Variants in ABCC4 observed in about 807,000 individuals in gnomAD.
ABCC4 encodes the protein ATP-binding cassette sub-family C member 4.
Under a neutral mutation model 168.5 loss-of-function variants are expected in ABCC4, and 102 were observed. The observed-to-expected ratio is 0.61, with a 90% CI of 0.52 to 0.71. The LOEUF (loss-of-function observed/expected upper bound fraction) is 0.71, where lower values mean the gene tolerates loss of function less well. Ranked by LOEUF, ABCC4 falls within the 30% of genes least tolerant of loss-of-function variation. ABCC4 has a pLI of 0.00. For synonymous variants in ABCC4, 617 were observed against 590.7 expected (o/e 1.04, Z -0.65); for missense variants, 1,402 against 1,605.8 (o/e 0.87, Z 2.17).
chr13:95,212,115 C>T (rs1161178633), intron 4 of ABCC4, among the ~76,000 whole-genome samples: 1 of 141,442 alleles, frequency 7.1e-6, no homozygotes, highest in Non-Finnish European at 1.5e-5. Context: ...GCAGGGGTTG[C>T]AATCAGCCAA....
At chr13:95,113,841 T>C (rs2035284883) in intron 20 of ABCC4, among the ~76,000 whole-genome samples, 3 of 152,206 alleles carry the variant, frequency 2.0e-5, no homozygotes, top group African/African-American at 4.8e-5. Context: ...GACAACCATT[T>C]AAACAATGAA....
At chr13:95,156,817 G>T (rs1395553139) in intron 19 of ABCC4, among the ~76,000 whole-genome samples, 1 of 152,236 alleles carries the variant, frequency 6.6e-6, no homozygotes, top group Middle Eastern at 3.4e-3. Context: ...TCTTGGCAGG[G>T]CGCGGTAGCT....
chr13:95,222,868 T>C (rs535190647), intron 4 of ABCC4, among the ~76,000 whole-genome samples: 62 of 152,252 alleles, frequency 4.1e-4, no homozygotes, highest in African/African-American at 1.4e-3. Context: ...AGAGGGACGC[T>C]TTCGGTATCT....
At chr13:95,268,525 C>G (rs2040744562) in intron 1 of ABCC4, among the ~76,000 whole-genome samples, 2 of 62,536 alleles carry the variant, frequency 3.2e-5, no homozygotes, top group South Asian at 7.6e-4. Context: ...CTGCTCGTCC[C>G]TTGGCCCTTG....
At chr13:95,053,039 T>C (rs1373321977) in intron 27 of ABCC4, 56 bp downstream of exon 27, 12 of 1,436,504 alleles carry the variant, frequency 8.4e-6, no homozygotes, top group Non-Finnish European at 1.2e-5. Flanking sequence ...GCTGTAAAGG[T>C]ACATATACAC....
chr13:95,064,297 T>TATATATATATACACACAC (rs1555306881), intron 25 of ABCC4, among the ~76,000 whole-genome samples: 1 of 105,298 alleles, frequency 9.5e-6, no homozygotes, highest in Non-Finnish European at 2.0e-5. Context: ...TATATATATA[T>TATATATATATACACACAC]ACACACACAC....
chr13:95,249,347 T>C (rs999316202), intron 1 of ABCC4, among the ~76,000 whole-genome samples: 4 of 152,202 alleles, frequency 2.6e-5, no homozygotes, highest in African/African-American at 7.2e-5. Flanking sequence ...ATGTGTCACC[T>C]TTAATAGGCA....
At chr13:95,198,853 C>T (rs1225796551) in intron 8 of ABCC4, among the ~76,000 whole-genome samples, 1 of 152,096 alleles carries the variant, frequency 6.6e-6, no homozygotes. Context: ...CAAACTAACA[C>T]AGGAACAGAA....
chr13:95,090,753 A>T (rs917125578), intron 20 of ABCC4, among the ~76,000 whole-genome samples: 8 of 152,340 alleles, frequency 5.3e-5, no homozygotes, highest in Admixed American at 3.3e-4. Flanking sequence ...ACACTAGTTC[A>T]CCAGCAATGG....
intron 30 of ABCC4, among the ~76,000 whole-genome samples, chr13:95,032,341 C>T (rs2031913012): frequency 6.6e-6 from 1 of 152,222 alleles, no homozygotes; most frequent in Non-Finnish European, 1.5e-5. Flanking sequence ...CACATATCAT[C>T]ATCATCATCA....
At chr13:95,076,734 G>T (rs1432277499) in intron 21 of ABCC4, among the ~76,000 whole-genome samples, 1 of 152,022 alleles carries the variant, frequency 6.6e-6, no homozygotes, top group African/African-American at 2.4e-5. Flanking sequence ...CAAAGTGCTG[G>T]GATTACAAGT....
At chr13:95,208,795 A>T (rs931784894) in intron 6 of ABCC4, among the ~76,000 whole-genome samples, 1 of 151,564 alleles carries the variant, frequency 6.6e-6, no homozygotes, top group Non-Finnish European at 1.5e-5. Context: ...TAATTTTTTA[A>T]ATTTAGTAGA....
chr13:95,161,175 G>C lies in ABCC4; in HGVS notation c.2455+14C>G. 4.5e-6 allele frequency: 7 copies of C among 1,572,934 alleles called. No individual in the cohort carries two copies. In the South Asian group the frequency reaches 8.4e-5, roughly 19 times the overall value. ...ACAAGACATACTTACTGAGAAACTTGGTGTCAGACTTACCTATTGGATTTC... is the reference window on the plus strand; with the variant it reads ...ACAAGACATACTTACTGAGAAACTTCGTGTCAGACTTACCTATTGGATTTC... On this transcript the variant is annotated intron_variant, in intron 19 of 30. Transcript: ENST00000645237.
At chr13:95,149,064 C>G (rs925081468) in intron 19 of ABCC4, 1 of 152,202 alleles carries the variant, frequency 6.6e-6, no homozygotes, top group Non-Finnish European at 1.5e-5. Flanking sequence ...AAAGACTTGA[C>G]AATTCCTTAA....
intron 19 of ABCC4, among the ~76,000 whole-genome samples, chr13:95,121,684 C>T (rs781239598): frequency 2.0e-5 from 3 of 152,108 alleles, no homozygotes; most frequent in Non-Finnish European, 4.4e-5. Flanking sequence ...GCTGGGAATA[C>T]AGGCATGAGT....
At chr13:95,246,130 G>A (rs1003397992) in intron 3 of ABCC4, among the ~76,000 whole-genome samples, 3 of 152,160 alleles carry the variant, frequency 2.0e-5, no homozygotes, top group African/African-American at 7.2e-5. Flanking sequence ...CAGATCTCAA[G>A]AGAGGCCCTT....
At chr13:95,066,045 G>A (rs2033529966) in intron 25 of ABCC4, among the ~76,000 whole-genome samples, 2 of 152,206 alleles carry the variant, frequency 1.3e-5, no homozygotes, top group Admixed American at 6.5e-5. Context: ...TTAGCTCCAT[G>A]AGCAGGATTG....
chr13:95,181,873 A>G (rs921158632), intron 11 of ABCC4, among the ~76,000 whole-genome samples: 1 of 152,192 alleles, frequency 6.6e-6, no homozygotes, highest in Non-Finnish European at 1.5e-5. Context: ...AACAACTCAG[A>G]ACTCGAAGTC....
intron 20 of ABCC4, among the ~76,000 whole-genome samples, chr13:95,098,798 AT>A (rs1280813993): frequency 2.0e-5 from 3 of 152,218 alleles, no homozygotes; most frequent in Non-Finnish European, 4.4e-5. Context: ...AAAAAGCTCA[AT>A]ATTAATCATC....
Sources: gnomAD v4.1 joint callset for allele counts (sites outside exome capture counted in the v4.1 genomes callset) on GRCh38, gnomAD v4.1.1 for gene constraint, MANE v1.5 for transcripts, NCBI Gene and HGNC (gene_info 2026-07-23, HGNC 2026-07-21) for gene names.